Variants in WDR41 observed in about 807,000 individuals in gnomAD.
The protein encoded by WDR41 is WD repeat-containing protein 41.
In WDR41, 63 loss-of-function variants were observed where a neutral mutation model predicts 69.3. That is an observed-to-expected ratio of 0.91 (90% CI 0.74 to 1.12). WDR41 has a LOEUF of 1.12. Ranked by LOEUF, WDR41 falls within the 50% of genes most tolerant of loss-of-function variation. WDR41 has a pLI of 0.00. For synonymous variants in WDR41, 185 were observed against 192.1 expected (o/e 0.96, Z 0.31); for missense variants, 543 against 534.5 (o/e 1.02, Z -0.16).
chr5:77,507,545 T>A (rs554993353), intron 1 of WDR41, among the ~76,000 whole-genome samples: 22 of 152,204 alleles, frequency 1.4e-4, no homozygotes, highest in Non-Finnish European at 3.1e-4. Context: ...TTTCCTCACC[T>A]CATCGCCTAC....
At chr5:77,557,521 A>T (rs1489821738) in intron 1 of WDR41, among the ~76,000 whole-genome samples, 1 of 152,230 alleles carries the variant, frequency 6.6e-6, no homozygotes, top group African/African-American at 2.4e-5. Context: ...GACATTTCAC[A>T]TCTGTAAAGC....
At chr5:77,492,442 G>A, upstream of WDR41, 1 of 492,938 alleles carries the variant, frequency 2.0e-6, no homozygotes, top group Non-Finnish European at 3.4e-6. Context: ...TTGGGCAGTC[G>A]CTTGGGGTGC....
At chr5:77,550,165 T>C (rs114467854) in intron 1 of WDR41, among the ~76,000 whole-genome samples, 1 of 152,292 alleles carries the variant, frequency 6.6e-6, no homozygotes, top group Non-Finnish European at 1.5e-5. Context: ...GGAAATACCA[T>C]TCTGGACATT....
At chr5:77,462,447 C>T (rs1398594380) in intron 4 of WDR41, among the ~76,000 whole-genome samples, 1 of 149,366 alleles carries the variant, frequency 6.7e-6, no homozygotes, top group Non-Finnish European at 1.5e-5. Context: ...ATACCTATGT[C>T]AAAGGGCTAA....
At chr5:77,492,599 C>T (rs767256586), upstream of WDR41, 124 of 251,942 alleles carry the variant, frequency 4.9e-4, 1 homozygote, top group East Asian at 8.9e-3. Context: ...AACCCGACCC[C>T]GGCGAGCAAG....
chr5:77,570,153 A>AT (rs2112272210), intron 1 of WDR41, among the ~76,000 whole-genome samples: 2 of 152,190 alleles, frequency 1.3e-5, no homozygotes, highest in African/African-American at 4.8e-5. Flanking sequence ...GCTATTTGAT[A>AT]TTTTATTCTA....
chr5:77,449,913 G>A (rs1419441936), intron 7 of WDR41, 43 bp from the exon 8 acceptor site: 1 of 1,356,210 alleles, frequency 7.4e-7, no homozygotes, highest in Non-Finnish European at 1.1e-6. Flanking sequence ...AATGCTCTAA[G>A]AGGATAAAAT....
At chr5:77,503,163 A>T (rs1365510846) in intron 1 of WDR41, among the ~76,000 whole-genome samples, 3 of 140,650 alleles carry the variant, frequency 2.1e-5, no homozygotes, top group Non-Finnish European at 4.6e-5. Context: ...AAAGGGATGG[A>T]GGAAGATCTA....
chr5:77,474,111 C>A (rs371676486), intron 2 of WDR41, among the ~76,000 whole-genome samples: 3 of 152,074 alleles, frequency 2.0e-5, no homozygotes, highest in Admixed American at 6.6e-5. Context: ...AGCCATAAAA[C>A]ATGATGAGTT....
intron 1 of WDR41, among the ~76,000 whole-genome samples, chr5:77,570,663 A>T (rs1743718033): frequency 6.6e-6 from 1 of 151,766 alleles, no homozygotes; most frequent in Non-Finnish European, 1.5e-5. Context: ...TCCAAATCAG[A>T]GAACTTAGTG....
At chr5:77,473,896 A>C (rs917717895) in intron 2 of WDR41, among the ~76,000 whole-genome samples, 1 of 152,178 alleles carries the variant, frequency 6.6e-6, no homozygotes, top group Admixed American at 6.5e-5. Flanking sequence ...AGGGATCTAG[A>C]ACTAGAAATA....
chr5:77,582,470 G>A (rs1743956880), intron 1 of WDR41: 1 of 1,602,202 alleles, frequency 6.2e-7, no homozygotes, highest in Non-Finnish European at 8.5e-7. Flanking sequence ...AAGATCAAGC[G>A]CCTGAGAAAG....
intron 4 of WDR41, 83 bp downstream of exon 4, chr5:77,463,012 C>A: frequency 1.4e-6 from 2 of 1,454,182 alleles, no homozygotes; most frequent in Non-Finnish European, 1.9e-6. Flanking sequence ...ACAGACAAGA[C>A]CCTATCAGCT....
chr5:77,464,754 T>A lies in WDR41; in HGVS notation c.216+7A>T, dbSNP rs1800228327. 1.9e-6 allele frequency: 3 copies of A among 1,613,598 alleles called. No homozygotes were observed. Among genetic ancestry groups the A allele is most frequent in the Non-Finnish European group, 2.5e-6 (3 of 1,179,716 alleles). On this transcript the variant is annotated splice_region_variant and intron_variant, in intron 3 of 12. Coordinates refer to ENST00000296679, the MANE Select transcript of WDR41 (RefSeq NM_018268.4). ...TATCACACAATCCACACATAATCAATACACACCTGGGCATTCCACACAACT... is the reference window on the plus strand; with the variant it reads ...TATCACACAATCCACACATAATCAAAACACACCTGGGCATTCCACACAACT...
chr5:77,444,111 C>T (rs577813366), intron 8 of WDR41, among the ~76,000 whole-genome samples: 1 of 152,050 alleles, frequency 6.6e-6, no homozygotes, highest in Non-Finnish European at 1.5e-5. Context: ...AACTCCTGAC[C>T]TCAGGTGATC....
intron 1 of WDR41, chr5:77,545,642 C>A: frequency 2.4e-6 from 1 of 417,744 alleles, no homozygotes; most frequent in South Asian, 3.8e-5. Context: ...ATCAAGGAGT[C>A]TGAGATCATT....
chr5:77,609,698 A>G (rs890195294), intron 1 of WDR41, among the ~76,000 whole-genome samples: 1 of 152,102 alleles, frequency 6.6e-6, no homozygotes, highest in African/African-American at 2.4e-5. Context: ...AAAACCACAA[A>G]GATGGGGAAA....
At chr5:77,491,871 C>T in intron 1 of WDR41, 2 of 457,466 alleles carry the variant, frequency 4.4e-6, no homozygotes, top group Non-Finnish European at 7.8e-6. Context: ...TCACAGGTCC[C>T]AATAGGACTG....
At chr5:77,545,946 C>A in intron 1 of WDR41, 1 of 490,564 alleles carries the variant, frequency 2.0e-6, no homozygotes, top group Non-Finnish European at 3.6e-6. Context: ...GGTGACAGGC[C>A]GCTGTGGCTC....
Sources: allele counts gnomAD v4.1 joint callset (sites outside exome capture counted in the v4.1 genomes callset), GRCh38; gene constraint gnomAD v4.1.1; transcripts MANE v1.5; gene names NCBI Gene and HGNC (gene_info 2026-07-23, HGNC 2026-07-21).